Variants in RYR2 observed in about 807,000 individuals in gnomAD.
RYR2 encodes the protein cardiac muscle ryanodine receptor-calcium release channel.
In RYR2, 227 loss-of-function variants were observed where a neutral mutation model predicts 601.1. That is an observed-to-expected ratio of 0.38 (90% CI 0.34 to 0.42). The LOEUF (loss-of-function observed/expected upper bound fraction) is 0.42, where lower values mean the gene tolerates loss of function less well. RYR2 is among the 10% of genes least tolerant of loss of function. The probability of loss-of-function intolerance (pLI) is 1.00; values close to 1 mark genes in which losing one functional copy is unlikely to be tolerated. For missense variants in RYR2, 4,646 were observed against 6,156.5 expected (o/e 0.75, Z 8.21); for synonymous variants, 2,223 against 2,175.1 (o/e 1.02, Z -0.61).
At chr1:237,293,688 A>T (rs1692468912) in intron 2 of RYR2, among the ~76,000 whole-genome samples, 1 of 152,188 alleles carries the variant, frequency 6.6e-6, no homozygotes, top group South Asian at 2.1e-4. Flanking sequence ...CATACAGATG[A>T]ACACTCAGAT....
chr1:237,402,163 G>A lies in RYR2; in HGVS notation c.773+13980G>A, dbSNP rs577980158. 2.6e-4 allele frequency among the ~76,000 whole-genome samples: 39 copies of A among 151,948 alleles called. No homozygotes were observed. In the South Asian group the frequency reaches 7.9e-3, roughly 31 times the overall value. On this transcript the variant is annotated intron_variant, in intron 10 of 104. Coordinates refer to ENST00000366574, the MANE Select transcript of RYR2 (RefSeq NM_001035.3). Reference sequence around the variant, plus strand: ...AATCTCAACACTTTGGGAAGCCAAGGCAAGAAGATCACTTGGGCCCAGGAG... The same window carrying A: ...AATCTCAACACTTTGGGAAGCCAAGACAAGAAGATCACTTGGGCCCAGGAG...
At chr1:237,771,349 T>G (rs1316081549) in intron 85 of RYR2, among the ~76,000 whole-genome samples, 1 of 151,562 alleles carries the variant, frequency 6.6e-6, no homozygotes, top group African/African-American at 2.4e-5. Flanking sequence ...AGTTCGAGGC[T>G]GCAGTGAGCT....
chr1:237,065,269 C>CTTTTTTTTTTTTTTTTTT (rs766039441), intron 1 of RYR2, among the ~76,000 whole-genome samples: 11 of 77,504 alleles, frequency 1.4e-4, no homozygotes, highest in African/African-American at 5.2e-4. Context: ...GTGTGCTATC[C>CTTTTTTTTTTTTTTTTTT]TTTTTTTTTT....
chr1:237,631,503 G>C lies in RYR2; in HGVS notation c.6517G>C (p.Glu2173Gln). ...ACTGGGGATGCACGAGACTGTGATG[G>C]AGGTCATGGTGAACGTCCTTGGAGG... ...RALGMHETVM[E>Q]VMVNVLGGGE... The change falls in exon 42 of 105, where the codon GAG becomes CAG. Residue 2173 changes from glutamate (E) to glutamine (Q), a missense_variant. Around this residue, in one of 17 missense-constraint regions of RYR2, gnomAD observed 137 missense variants for 273.6 expected, o/e 0.50. Coordinates refer to ENST00000366574, the MANE Select transcript of RYR2 (RefSeq NM_001035.3). 6.2e-7 allele frequency: 1 copy of C among 1,612,386 alleles called. No individual in the cohort carries two copies. The highest frequency in any genetic ancestry group is 8.5e-7 in the Non-Finnish European group (1 of 1,179,100).
chr1:237,785,000 TTC>T lies in RYR2; in HGVS notation c.13260+34_13260+35del. On this transcript the variant is annotated intron_variant, in intron 90 of 104. Coordinates refer to ENST00000366574, the MANE Select transcript of RYR2 (RefSeq NM_001035.3). The surrounding 1 kb of genome is among the most constrained non-coding windows in gnomAD (Gnocchi z 7.1). ...AATTTATCTCTAAGTCACAGCAGCA[TTC>T]TCTCTGGACTTCAGGTGGGTATAAT... The T allele has an allele frequency of 6.8e-7, 1 of 1,471,986 alleles. No individual in the cohort carries two copies. Among genetic ancestry groups the T allele is most frequent in the Non-Finnish European group, 9.3e-7 (1 of 1,078,384 alleles). The allele number at this position is 1,471,986 out of a possible 1,614,324, so 91.2% of individuals were successfully genotyped here. A position where few individuals can be genotyped will look rare whatever the true frequency, so the allele number is the denominator to read the frequency against.
At chr1:237,827,627 C>CAAAAAA (rs55896893) in intron 101 of RYR2, among the ~76,000 whole-genome samples, 7 of 79,430 alleles carry the variant, frequency 8.8e-5, no homozygotes, top group Non-Finnish European at 1.2e-4. Flanking sequence ...AAGACTGTCT[C>CAAAAAA]AAAAAAAAAA....
At chr1:237,688,037 T>A (rs1221678203) in intron 63 of RYR2, among the ~76,000 whole-genome samples, 1 of 152,084 alleles carries the variant, frequency 6.6e-6, no homozygotes, top group African/African-American at 2.4e-5. Context: ...CACTCCAGGG[T>A]CAGTTTCTGT....
intron 1 of RYR2, among the ~76,000 whole-genome samples, chr1:237,103,115 A>C (rs1161448325): frequency 1.3e-5 from 2 of 152,272 alleles, no homozygotes; most frequent in East Asian, 3.9e-4. Context: ...AGTACTGTGG[A>C]GCTGGGATTA....
At chr1:237,571,299 C>A (rs1312396601) in intron 29 of RYR2, among the ~76,000 whole-genome samples, 2 of 136,584 alleles carry the variant, frequency 1.5e-5, no homozygotes, top group East Asian at 2.2e-4. Flanking sequence ...ACCAGTATTT[C>A]TTTTTCTTTT....
At chr1:237,251,051 TGTG>T in intron 1 of RYR2, among the ~76,000 whole-genome samples, 1 of 138,342 alleles carries the variant, frequency 7.2e-6, no homozygotes, top group South Asian at 2.3e-4. Flanking sequence ...TGTGTGTGTG[TGTG>T]TGTGTGTGTA....
intron 100 of RYR2, among the ~76,000 whole-genome samples, chr1:237,812,466 A>G (rs1661352967): frequency 6.6e-6 from 1 of 152,206 alleles, no homozygotes. Context: ...CAGTATTCCT[A>G]TCGCATACAG....
intron 27 of RYR2, among the ~76,000 whole-genome samples, chr1:237,565,185 T>TTC (rs1475126996): frequency 3.6e-4 from 29 of 79,900 alleles, no homozygotes; most frequent in Admixed American, 2.3e-4. Context: ...CTTTCTTTCT[T>TTC]TCTTTCTTTC....
At chr1:237,336,013 T>G (rs559304765) in intron 3 of RYR2, among the ~76,000 whole-genome samples, 22 of 152,272 alleles carry the variant, frequency 1.4e-4, no homozygotes, top group South Asian at 8.3e-4. Context: ...CTTATAAAGG[T>G]TCTATGTATA....
intron 70 of RYR2, among the ~76,000 whole-genome samples, chr1:237,710,171 C>T (rs866425775): frequency 2.6e-5 from 4 of 152,050 alleles, no homozygotes; most frequent in Admixed American, 1.3e-4. Flanking sequence ...TCATAACAAT[C>T]GTATAGTAGT....
At chr1:237,428,776 G>A (rs1706479720) in intron 12 of RYR2, among the ~76,000 whole-genome samples, 1 of 150,072 alleles carries the variant, frequency 6.7e-6, no homozygotes, top group South Asian at 2.1e-4. Flanking sequence ...AAAAATACAA[G>A]TCACTGAAGT....
At chr1:237,537,157 A>T (rs578053254) in intron 25 of RYR2, among the ~76,000 whole-genome samples, 3 of 152,236 alleles carry the variant, frequency 2.0e-5, no homozygotes, top group African/African-American at 4.8e-5. Flanking sequence ...GCCTAATCTT[A>T]TAAGACCCAT....
intron 29 of RYR2, among the ~76,000 whole-genome samples, chr1:237,586,223 A>C (rs1228263883): frequency 6.6e-6 from 1 of 152,198 alleles, no homozygotes; most frequent in Non-Finnish European, 1.5e-5. Flanking sequence ...TTTATTTGCC[A>C]TATTAATTTT....
intron 1 of RYR2, among the ~76,000 whole-genome samples, chr1:237,069,954 T>C (rs1664102016): frequency 6.6e-6 from 1 of 152,322 alleles, no homozygotes; most frequent in East Asian, 1.9e-4. Context: ...AAATTTTTAA[T>C]TGTTTTCCAT....
intron 2 of RYR2, among the ~76,000 whole-genome samples, chr1:237,294,322 A>G: frequency 6.6e-6 from 1 of 152,120 alleles, no homozygotes; most frequent in Non-Finnish European, 1.5e-5. Context: ...TCCTAGACAC[A>G]GCCACTCAGT....
Sources: allele counts gnomAD v4.1 joint callset (sites outside exome capture counted in the v4.1 genomes callset), GRCh38; gene constraint gnomAD v4.1.1; regional missense constraint gnomAD v4.1.1; non-coding constraint Gnocchi (gnomAD v3.1); transcripts MANE v1.5; gene names NCBI Gene and HGNC (gene_info 2026-07-23, HGNC 2026-07-21).